The following GALNT10 variants were observed in gnomAD, a reference collection of about 807,000 sequenced individuals.
GALNT10 encodes polypeptide N-acetylgalactosaminyltransferase 10, also known as GalNAc transferase 10.
Under a neutral mutation model 75.0 loss-of-function variants are expected in GALNT10, and 41 were observed. The observed-to-expected ratio is 0.55, with a 90% CI of 0.43 to 0.71. The LOEUF (loss-of-function observed/expected upper bound fraction) is 0.71. Among genes scored for constraint, GALNT10 ranks in the 30% least tolerant of loss-of-function variants. GALNT10 has a pLI of 0.00. For missense variants in GALNT10, 727 were observed against 818.5 expected, an observed-to-expected ratio of 0.89 and a Z score of 1.36; for synonymous variants, 302 against 313.0, an observed-to-expected ratio of 0.96 and a Z score of 0.37.
At chr5:154,357,889 T>G (rs1389901690) in intron 4 of GALNT10, among the ~76,000 whole-genome samples, 1 of 152,156 alleles carries the variant, frequency 6.6e-6, no homozygotes, top group Non-Finnish European at 1.5e-5. Context: ...CTCAGCGTGC[T>G]CCACAATTTC....
chr5:154,305,877 G>C (rs1187777855), intron 3 of GALNT10, among the ~76,000 whole-genome samples: 4 of 152,068 alleles, frequency 2.6e-5, no homozygotes, highest in Admixed American at 6.5e-5. Flanking sequence ...AATTAGCCAG[G>C]CATGGTGGCA....
chr5:154,360,743 A>G (rs1755373172), intron 4 of GALNT10, among the ~76,000 whole-genome samples: 2 of 152,162 alleles, frequency 1.3e-5, no homozygotes, highest in Non-Finnish European at 2.9e-5. Flanking sequence ...TTGTATTTAT[A>G]ATGTTTTATT....
Position 154,298,051 on chromosome 5 carries a change from C to A in GALNT10, c.373C>A (p.Arg125Ser). 6.2e-7 allele frequency: 1 copy of A among 1,612,964 alleles called. No homozygotes were observed. Among genetic ancestry groups the A allele is most frequent in the Non-Finnish European group, 8.5e-7 (1 of 1,179,232 alleles). The change falls in exon 3 of 12, where the codon CGC becomes AGC. Residue 125 changes from arginine to serine, a missense_variant. Transcript: ENST00000297107. The surrounding 1 kb of genome is among the most constrained non-coding windows in gnomAD (Gnocchi z 4.1). The part of the protein sequence containing the change: ...IYVSDKISLN[R>S]SLPDIRHPNC... Reference sequence around the variant, plus strand: ...CGTCAGTGATAAAATCTCCTTGAATCGCTCTCTCCCAGATATCCGGCACCC... The same window carrying A: ...CGTCAGTGATAAAATCTCCTTGAATAGCTCTCTCCCAGATATCCGGCACCC...
chr5:154,408,598 C>A (rs934530689), intron 8 of GALNT10, among the ~76,000 whole-genome samples: 1 of 151,976 alleles, frequency 6.6e-6, no homozygotes, highest in South Asian at 2.1e-4. Flanking sequence ...CTCACAAACA[C>A]TTTCCTCACC....
intron 7 of GALNT10, chr5:154,387,351 T>C (rs1403457193): frequency 2.0e-5 from 3 of 152,252 alleles, no homozygotes; most frequent in African/African-American, 7.2e-5. Flanking sequence ...CATGCCCTTG[T>C]GGCCTGTCAG....
chr5:154,396,201 T>TATGAATGAATGAATGA (rs5872378), intron 7 of GALNT10, among the ~76,000 whole-genome samples: 4,175 of 151,140 alleles, frequency 0.028, 184 homozygotes, highest in African/African-American at 0.094. Context: ...CCAGATCATG[T>TATGAATGAATGAATGA]ATGAATGAAT....
intron 1 of GALNT10, among the ~76,000 whole-genome samples, chr5:154,197,059 T>C (rs1358127680): frequency 1.3e-5 from 2 of 152,156 alleles, no homozygotes; most frequent in Non-Finnish European, 2.9e-5. Context: ...TGGAGGTCTG[T>C]GTTCTCATTC....
intron 4 of GALNT10, among the ~76,000 whole-genome samples, chr5:154,331,530 C>T (rs1481135146): frequency 2.0e-5 from 3 of 152,210 alleles, no homozygotes; most frequent in Non-Finnish European, 1.5e-5. Flanking sequence ...TCTTAGGTGG[C>T]TGTGACTGTC....
intron 4 of GALNT10, among the ~76,000 whole-genome samples, chr5:154,362,328 A>G (rs113685979): frequency 0.041 from 6,171 of 150,870 alleles, 420 homozygotes; most frequent in African/African-American, 0.14. Flanking sequence ...GAATGCATAG[A>G]CCTCCCAGCC....
At chr5:154,338,516 A>ATT in intron 4 of GALNT10, 7 of 200,156 alleles carry the variant, frequency 3.5e-5, no homozygotes, top group East Asian at 2.6e-4. Context: ...GAAAGCTACA[A>ATT]TTTTTTTTTT....
In GALNT10 at chr5:154,419,184, G is replaced by A. The variant is rs1660841627; in HGVS notation, c.*2212G>A. ...AGATGTTGGGTCTGGAGCAAGATCT[G>A]AGACTGAGATGTCCCCCAAGGGTGA... is the stretch of plus-strand genomic sequence containing the variant. On this transcript the variant is annotated 3_prime_UTR_variant, in exon 12 of 12. Transcript: ENST00000297107. 6.6e-6 allele frequency: 1 copy of A among 151,810 alleles called. No homozygotes were observed. Among genetic ancestry groups the A allele is most frequent in the South Asian group, 2.1e-4 (1 of 4,790 alleles). The allele number at this position is 151,810 out of a possible 1,614,324, so 9.4% of individuals were successfully genotyped here.
chr5:154,254,158 A>G (rs1239429278), intron 1 of GALNT10, among the ~76,000 whole-genome samples: 2 of 152,102 alleles, frequency 1.3e-5, no homozygotes, highest in African/African-American at 4.8e-5. Flanking sequence ...TGGAAGCCTC[A>G]TGGTTAGTAG....
chr5:154,267,616 T>C (rs1156460426), intron 1 of GALNT10, among the ~76,000 whole-genome samples: 1 of 152,222 alleles, frequency 6.6e-6, no homozygotes, highest in Admixed American at 6.5e-5. Flanking sequence ...TTGACCTCTG[T>C]GTAAGCCTGG....
intron 4 of GALNT10, among the ~76,000 whole-genome samples, chr5:154,366,377 A>G (rs755252724): frequency 3.3e-5 from 5 of 152,128 alleles, no homozygotes; most frequent in Non-Finnish European, 7.4e-5. Context: ...ATAAAGGGGC[A>G]TTGAGTTGGA....
rs548115145 is a variant in GALNT10 at position 154,370,377 on chromosome 5, G to A, written c.569-5900G>A. ...GTAATCTGAGCTGAGTGCCTTGAAG[G>A]ATGAGTTCCAGGCCTTTGCAAGGGG... is the stretch of plus-strand genomic sequence containing the variant. On this transcript the variant is annotated intron_variant, in intron 4 of 11. Coordinates refer to ENST00000297107, the MANE Select transcript of GALNT10 (RefSeq NM_198321.4). Among the ~76,000 whole-genome samples the A allele has an allele frequency of 5.3e-5, 8 of 152,352 alleles. No individual in the cohort carries two copies. The East Asian group carries it at 1.2e-3, about 22-fold the overall frequency.
At chr5:154,341,083 A>T (rs1035214968) in intron 4 of GALNT10, among the ~76,000 whole-genome samples, 1 of 152,128 alleles carries the variant, frequency 6.6e-6, no homozygotes, top group African/African-American at 2.4e-5. Flanking sequence ...TTACATCATT[A>T]TAGAGAACAA....
intron 1 of GALNT10, among the ~76,000 whole-genome samples, chr5:154,256,042 G>A (rs1166579274): frequency 6.6e-6 from 1 of 151,594 alleles, no homozygotes; most frequent in African/African-American, 2.4e-5. Flanking sequence ...GTTGACAGAG[G>A]AGAAGCCTGG....
At chr5:154,291,413 C>T (rs980273944) in intron 1 of GALNT10, among the ~76,000 whole-genome samples, 5 of 152,148 alleles carry the variant, frequency 3.3e-5, no homozygotes, top group African/African-American at 4.8e-5. Flanking sequence ...TCTCAGGCCC[C>T]GCCCTAGACC....
chr5:154,198,831 C>T (rs1235852644), intron 1 of GALNT10, among the ~76,000 whole-genome samples: 2 of 152,192 alleles, frequency 1.3e-5, no homozygotes. Flanking sequence ...ATCAGAGGCC[C>T]TCTAGAAGAT....
Sources: allele counts gnomAD v4.1 joint callset (sites outside exome capture counted in the v4.1 genomes callset), GRCh38; gene constraint gnomAD v4.1.1; non-coding constraint Gnocchi (gnomAD v3.1); transcripts MANE v1.5; gene names NCBI Gene and HGNC (gene_info 2026-07-23, HGNC 2026-07-21).